The following EIF4G3 variants were observed in gnomAD, a reference collection of about 807,000 sequenced individuals.
EIF4G3 encodes the protein eIF-4-gamma 3.
In EIF4G3, 34 loss-of-function variants were observed where a neutral mutation model predicts 186.4. The observed-to-expected ratio is 0.18, with a 90% CI of 0.14 to 0.24. The LOEUF (loss-of-function observed/expected upper bound fraction) is 0.24, where lower values mean the gene tolerates loss of function less well. Ranked by LOEUF, EIF4G3 falls within the 10% of genes least tolerant of loss-of-function variation. The pLI is 1.00. For missense variants in EIF4G3, 1,536 were observed against 1,948.5 expected (o/e 0.79, Z 3.99); for synonymous variants, 673 against 679.5 (o/e 0.99, Z 0.15).
chr1:20,946,365 T>C (rs867367911), intron 13 of EIF4G3, among the ~76,000 whole-genome samples: 2 of 152,214 alleles, frequency 1.3e-5, no homozygotes, highest in Non-Finnish European at 2.9e-5. Context: ...ACTCAGTAAA[T>C]AGCAATCATT....
In EIF4G3 at chr1:21,120,986, CCTGACTCTCTA is replaced by C. The variant is rs2096915999; in HGVS notation, c.-271-31784_-271-31774del. 2.0e-5 allele frequency among the ~76,000 whole-genome samples: 3 copies of C among 152,266 alleles called. No homozygotes were observed. In the East Asian group the frequency reaches 5.8e-4, roughly 29 times the overall value. ...CCAGGCTGGAATGCAGTGGCATGAT[CCTGACTCTCTA>C]CAGCCTCAACTTCCTGGGCTCAAGC... On this transcript the variant is annotated intron_variant, in intron 2 of 36. Coordinates refer to ENST00000602326, the MANE Select transcript of EIF4G3 (RefSeq NM_001391906.1).
At chr1:21,071,811 A>C (rs945743521) in intron 3 of EIF4G3, among the ~76,000 whole-genome samples, 2 of 152,084 alleles carry the variant, frequency 1.3e-5, no homozygotes, top group African/African-American at 2.4e-5. Flanking sequence ...GTCTCAAAAA[A>C]AAAAAAAGAG....
chr1:21,099,725 T>A (rs1235497748), intron 2 of EIF4G3, among the ~76,000 whole-genome samples: 1 of 152,210 alleles, frequency 6.6e-6, no homozygotes, highest in Admixed American at 6.5e-5. Flanking sequence ...AAATGGAAGT[T>A]TTCTGTGTCT....
Position 20,900,536 on chromosome 1 carries a change from GA to G in EIF4G3, c.1753-594del, listed in dbSNP as rs1181952338. On this transcript the variant is annotated intron_variant, in intron 15 of 36. Transcript: ENST00000602326. Reference sequence around the variant, plus strand: ...ATAAAAAAAAAAAAAGAGAGAGAGAGAAAAAAAAAAGAGAAATCTGGGTTAT... The same window carrying G: ...ATAAAAAAAAAAAAAGAGAGAGAGAGAAAAAAAAAGAGAAATCTGGGTTAT... 5.7e-4 allele frequency among the ~76,000 whole-genome samples: 82 copies of G among 143,114 alleles called. 1 individual carries two copies. Among genetic ancestry groups the G allele is most frequent in the Middle Eastern group, 3.6e-3 (1 of 280 alleles). 93.9% of individuals were successfully genotyped at this position (143,114 alleles called of 152,430 possible).
chr1:20,913,907 C>T lies in EIF4G3; in HGVS notation c.1664-8936G>A, dbSNP rs183270950. The stretch of plus-strand genomic sequence containing the variant: ...CTGCAAGCTCCGCCTCCCGGGTTCA[C>T]GCCATTCTCCTGCTTCAGCCTCCTC... On this transcript the variant is annotated intron_variant, in intron 14 of 36. Coordinates refer to ENST00000602326, the MANE Select transcript of EIF4G3 (RefSeq NM_001391906.1). Among the ~76,000 whole-genome samples the T allele has an allele frequency of 4.5e-3, 670 of 150,284 alleles. 7 individuals are homozygous for T. The highest frequency in any genetic ancestry group is 0.02 in the Admixed American group (305 of 15,038).
At chr1:20,949,935 G>T in intron 13 of EIF4G3, 68 bp downstream of exon 13, 2 of 1,297,676 alleles carry the variant, frequency 1.5e-6, no homozygotes, top group Non-Finnish European at 2.2e-6. Flanking sequence ...ACTCTTGAAT[G>T]CTGACGGCAA....
chr1:20,864,922 T>C (rs2077222609), intron 21 of EIF4G3, among the ~76,000 whole-genome samples, 194 bp downstream of exon 21: 1 of 152,086 alleles, frequency 6.6e-6, no homozygotes, highest in South Asian at 2.1e-4. Flanking sequence ...CATGGAAAAT[T>C]TAGCTGTCCC....
chr1:20,932,675 T>C (rs2095367331), intron 14 of EIF4G3, among the ~76,000 whole-genome samples: 1 of 152,094 alleles, frequency 6.6e-6, no homozygotes, highest in South Asian at 2.1e-4. Context: ...AACATACATA[T>C]TTCTCGATCA....
chr1:20,913,798 G>T (rs959105736), intron 14 of EIF4G3, among the ~76,000 whole-genome samples: 18 of 130,192 alleles, frequency 1.4e-4, no homozygotes, highest in African/African-American at 3.1e-4. Flanking sequence ...TCAATTATTA[G>T]AATTTTTTTT....
rs116592843 is a variant in EIF4G3, at chr1:21,057,492, T to C, written c.-195-6498A>G. ...GATGTACACATGTTTAGCAACACTA[T>C]AAAGAGAAGCAGGAAAATGACTTTT... On this transcript the variant is annotated intron_variant, in intron 3 of 36. Coordinates refer to ENST00000602326, the MANE Select transcript of EIF4G3 (RefSeq NM_001391906.1). Among the ~76,000 whole-genome samples, 781 of 152,218 alleles carry C rather than the reference T, an allele frequency of 5.1e-3. 7 individuals are homozygous for C. The highest frequency in any genetic ancestry group is 0.018 in the African/African-American group (750 of 41,548).
intron 2 of EIF4G3, among the ~76,000 whole-genome samples, chr1:21,137,331 A>G (rs1391910943): frequency 2.6e-5 from 4 of 151,964 alleles, no homozygotes; most frequent in South Asian, 2.1e-4. Flanking sequence ...ATTTTTGTAG[A>G]GACGAGGTCT....
At chr1:20,967,408 T>C (rs2074929969) in intron 12 of EIF4G3, among the ~76,000 whole-genome samples, 1 of 152,174 alleles carries the variant, frequency 6.6e-6, no homozygotes, top group Non-Finnish European at 1.5e-5. Flanking sequence ...CATATATAGA[T>C]TACTTCAATT....
At chr1:21,033,962 G>A (rs1415642537) in intron 4 of EIF4G3, among the ~76,000 whole-genome samples, 1 of 152,148 alleles carries the variant, frequency 6.6e-6, no homozygotes, top group Non-Finnish European at 1.5e-5. Flanking sequence ...GCTGGTATGT[G>A]CCTGTAGTAC....
Position 21,164,776 on chromosome 1 carries a change from G to A in EIF4G3, c.-272+11399C>T, listed in dbSNP as rs562062064. 3.2e-4 allele frequency among the ~76,000 whole-genome samples: 48 copies of A among 151,882 alleles called. 2 individuals carry two copies. Among genetic ancestry groups the A allele is most frequent in the Admixed American group, 3.0e-3 (45 of 15,226 alleles). ...TTACTTGGGAAGCTTAGGTGGGAGG[G>A]CTCCTTGAGCTCAGGAGTTCGAGGC... is the stretch of plus-strand genomic sequence containing the variant. On this transcript the variant is annotated intron_variant, in intron 2 of 36. Coordinates refer to ENST00000602326, the MANE Select transcript of EIF4G3 (RefSeq NM_001391906.1).
At chr1:20,842,844 GTT>G (rs58817719) in intron 29 of EIF4G3, among the ~76,000 whole-genome samples, 1 of 138,480 alleles carries the variant, frequency 7.2e-6, no homozygotes, top group African/African-American at 2.6e-5. Flanking sequence ...GGGTCTTTTA[GTT>G]TTTTTTTTTT....
intron 18 of EIF4G3, among the ~76,000 whole-genome samples, chr1:20,890,189 T>G (rs6426651): frequency 0.95 from 143,668 of 152,008 alleles, 68,392 homozygotes; most frequent in Middle Eastern, 1. Flanking sequence ...GCCAGGCTGG[T>G]CTCGAACTCC....
intron 2 of EIF4G3, among the ~76,000 whole-genome samples, chr1:21,091,048 A>G (rs2101295222): frequency 6.6e-6 from 1 of 152,362 alleles, no homozygotes; most frequent in East Asian, 1.9e-4. Context: ...CAGAATTTCT[A>G]AACTATACCC....
chr1:21,176,290 G>A lies in EIF4G3; in HGVS notation c.-387C>T. 1 of 323,618 alleles carries A rather than the reference G, an allele frequency of 3.1e-6. No individual in the cohort carries two copies. 20.0% of individuals were successfully genotyped at this position (323,618 alleles called of 1,614,324 possible). On this transcript the variant is annotated 5_prime_UTR_variant, in exon 2 of 37. Transcript: ENST00000602326. ...GCTGCTGCCGCCGCCGGGTGAGGAGGCGGTACCGCTGCTGCCGCCGCCGCC... is the reference window on the plus strand; with the variant it reads ...GCTGCTGCCGCCGCCGGGTGAGGAGACGGTACCGCTGCTGCCGCCGCCGCC...
chr1:20,976,187 T>A, intron 10 of EIF4G3, among the ~76,000 whole-genome samples: 1 of 152,036 alleles, frequency 6.6e-6, no homozygotes, highest in Non-Finnish European at 1.5e-5. Context: ...TTATTTATTT[T>A]TATTATACTT....
Sources: gnomAD v4.1 joint callset for allele counts (sites outside exome capture counted in the v4.1 genomes callset) on GRCh38, gnomAD v4.1.1 for gene constraint, MANE v1.5 for transcripts, NCBI Gene and HGNC (gene_info 2026-07-23, HGNC 2026-07-21) for gene names.